The following ME1 variants were observed in gnomAD, a reference collection of about 807,000 sequenced individuals.
The protein encoded by ME1 is malic enzyme 1.
A neutral mutation model predicts 66.4 loss-of-function variants in ME1; 74 were observed. The ratio of observed to expected loss-of-function variants is 1.11; its 90% CI spans 0.92 to 1.35. ME1 has a LOEUF of 1.35. Among genes scored for constraint, ME1 ranks in the 40% most tolerant of loss-of-function variants. The pLI is 0.00. For missense variants in ME1, 750 were observed against 694.1 expected, an observed-to-expected ratio of 1.08 and a Z score of -0.90; for synonymous variants, 251 against 235.6, an observed-to-expected ratio of 1.07 and a Z score of -0.60.
At chr6:83,267,936 C>T (rs1767016082) in intron 6 of ME1, among the ~76,000 whole-genome samples, 2 of 152,136 alleles carry the variant, frequency 1.3e-5, no homozygotes, top group Non-Finnish European at 2.9e-5. Flanking sequence ...CTTAAACAGC[C>T]TAAGTGATCA....
At chr6:83,384,856 T>G (rs890987990) in intron 3 of ME1, among the ~76,000 whole-genome samples, 1 of 151,988 alleles carries the variant, frequency 6.6e-6, no homozygotes, top group African/African-American at 2.4e-5. Flanking sequence ...TAGCCAGTTA[T>G]CCTAGCACCA....
chr6:83,330,077 C>T (rs1768375256), intron 5 of ME1, among the ~76,000 whole-genome samples: 2 of 152,154 alleles, frequency 1.3e-5, no homozygotes, highest in African/African-American at 4.8e-5. Context: ...CACTTCACCT[C>T]CTAAAGTGTT....
At chr6:83,276,414 C>T (rs968535053) in intron 6 of ME1, among the ~76,000 whole-genome samples, 1 of 152,270 alleles carries the variant, frequency 6.6e-6, no homozygotes, top group Non-Finnish European at 1.5e-5. Flanking sequence ...AGTTGTGATG[C>T]AAAGCATGAC....
At chr6:83,344,054 T>C (rs1317657752) in intron 5 of ME1, among the ~76,000 whole-genome samples, 1 of 151,554 alleles carries the variant, frequency 6.6e-6, no homozygotes, top group Non-Finnish European at 1.5e-5. Flanking sequence ...AGGAGGATTG[T>C]TTGATACCAG....
chr6:83,367,224 T>C (rs1418208460), intron 3 of ME1, among the ~76,000 whole-genome samples: 1 of 152,218 alleles, frequency 6.6e-6, no homozygotes, highest in Non-Finnish European at 1.5e-5. Flanking sequence ...TAAATCATGC[T>C]GTAAACAGAT....
At chr6:83,340,039 T>A (rs951363645) in intron 5 of ME1, among the ~76,000 whole-genome samples, 33 of 151,952 alleles carry the variant, frequency 2.2e-4, no homozygotes, top group African/African-American at 7.7e-4. Context: ...GAATAGAATA[T>A]TGTTGCTACT....
intron 6 of ME1, among the ~76,000 whole-genome samples, 197 bp from the exon 7 acceptor site, chr6:83,253,935 G>T (rs1451570253): frequency 6.6e-6 from 1 of 152,108 alleles, no homozygotes; most frequent in Non-Finnish European, 1.5e-5. Context: ...CATTGTGTTG[G>T]CACTGTGAAA....
intron 3 of ME1, among the ~76,000 whole-genome samples, chr6:83,358,995 T>C (rs1390331053): frequency 6.6e-6 from 1 of 152,166 alleles, no homozygotes; most frequent in Non-Finnish European, 1.5e-5. Context: ...ACTTCTCACT[T>C]GGAAGGTTGC....
chr6:83,216,009 C>T (rs771985584), intron 13 of ME1, among the ~76,000 whole-genome samples: 116 of 152,318 alleles, frequency 7.6e-4, no homozygotes, highest in Non-Finnish European at 9.7e-4. Flanking sequence ...ACCCAAACAG[C>T]TTTCAAGTTC....
intron 7 of ME1, among the ~76,000 whole-genome samples, chr6:83,252,243 C>T (rs904793368): frequency 3.9e-5 from 6 of 151,938 alleles, no homozygotes; most frequent in Admixed American, 3.9e-4. Flanking sequence ...TTTGAGATAT[C>T]CAGCAGGAGT....
intron 7 of ME1, among the ~76,000 whole-genome samples, chr6:83,243,600 A>C (rs1359359779): frequency 6.4e-5 from 6 of 93,320 alleles, no homozygotes; most frequent in Non-Finnish European, 1.8e-5. Context: ...ATAATCTATT[A>C]TAATTACATT....
intron 6 of ME1, among the ~76,000 whole-genome samples, chr6:83,285,936 T>C (rs1201287790): frequency 6.6e-6 from 1 of 152,202 alleles, no homozygotes; most frequent in Non-Finnish European, 1.5e-5. Context: ...ACGGCTTATC[T>C]TCATGTTTAA....
chr6:83,240,699 TG>T (rs1161461229), intron 7 of ME1, among the ~76,000 whole-genome samples: 1 of 152,170 alleles, frequency 6.6e-6, no homozygotes, highest in East Asian at 1.9e-4. Flanking sequence ...TTTAACATTA[TG>T]GTTAAAACAA....
At position 83,346,233 on chromosome 6, in the gene ME1, G is replaced by A. The variant is rs754174776; in HGVS notation, c.540C>T (p.Cys180=). 1.5e-5 allele frequency: 24 copies of A among 1,611,878 alleles called. No individual in the cohort carries two copies. Among genetic ancestry groups the A allele is most frequent in the Admixed American group, 6.7e-5 (4 of 59,864 alleles). ...PVGKLALYTA[C]GGMNPQECLP... ...GACATTCTTGAGGATTCATCCCTCCGCAAGCTGTATATAGAGCCAATTTAC... is the reference window on the plus strand; with the variant it reads ...GACATTCTTGAGGATTCATCCCTCCACAAGCTGTATATAGAGCCAATTTAC... Residue 180 remains cysteine, a synonymous_variant, in exon 5 of 14, where the codon TGC becomes TGT. Coordinates refer to ENST00000369705, the MANE Select transcript of ME1 (RefSeq NM_002395.6).
rs1318927556 is a variant in ME1 at position 83,211,405 on chromosome 6, A to C, written c.*519T>G. On this transcript the variant is annotated 3_prime_UTR_variant, in exon 14 of 14. Transcript: ENST00000369705. ...TAGAACTGTTAGAATTCCGTTGCAC[A>C]AAAGAACATATATGATCTAGGACTG... 6.5e-6 allele frequency: 1 copy of C among 152,702 alleles called. No individual in the cohort carries two copies. The highest frequency in any genetic ancestry group is 1.9e-4 in the East Asian group (1 of 5,198). The allele number at this position is 152,702 out of a possible 1,614,324, so 9.5% of individuals were successfully genotyped here.
intron 3 of ME1, chr6:83,392,415 C>A: frequency 2.1e-6 from 1 of 484,416 alleles, no homozygotes; most frequent in Non-Finnish European, 4.0e-6. Context: ...CCTGAGACAC[C>A]ATGGTGAAGG....
chr6:83,329,648 C>T (rs1305667560), intron 5 of ME1, among the ~76,000 whole-genome samples: 1 of 152,066 alleles, frequency 6.6e-6, no homozygotes, highest in African/African-American at 2.4e-5. Flanking sequence ...TCTCAAGCAG[C>T]ATTCATTTAT....
intron 5 of ME1, among the ~76,000 whole-genome samples, chr6:83,319,971 T>C (rs940131341): frequency 6.6e-6 from 1 of 152,180 alleles, no homozygotes; most frequent in Non-Finnish European, 1.5e-5. Flanking sequence ...GAAACCTCAT[T>C]TGCATCTAGA....
chr6:83,366,258 G>A (rs1324922051), intron 3 of ME1, among the ~76,000 whole-genome samples: 2 of 152,128 alleles, frequency 1.3e-5, no homozygotes, highest in Non-Finnish European at 2.9e-5. Context: ...TGCTAGGCTA[G>A]CTCCTAATTG....
Sources: allele counts gnomAD v4.1 joint callset (sites outside exome capture counted in the v4.1 genomes callset), GRCh38; gene constraint gnomAD v4.1.1; transcripts MANE v1.5; gene names NCBI Gene and HGNC (gene_info 2026-07-23, HGNC 2026-07-21).